CNTRL: variants seen among roughly 807,000 people sequenced by gnomAD.
The protein encoded by CNTRL is 110 kDa centrosomal protein.
A neutral mutation model predicts 303.7 loss-of-function variants in CNTRL; 233 were observed. The ratio of observed to expected loss-of-function variants is 0.77; its 90% confidence interval spans 0.69 to 0.86. The LOEUF is 0.86. Ranked by LOEUF, CNTRL falls within the 40% of genes least tolerant of loss-of-function variation. The pLI is 0.00. For synonymous variants in CNTRL, 900 were observed against 922.2 expected (o/e 0.98, Z 0.44); for missense variants, 2,524 against 2,650.6 (o/e 0.95, Z 1.05).
At chr9:121,136,123 A>C in intron 15 of CNTRL, 141 bp downstream of exon 15, 1 of 730,240 alleles carries the variant, frequency 1.4e-6, no homozygotes, top group Non-Finnish European at 2.1e-6. Flanking sequence ...AGAATTTTGG[A>C]GTCAGACATT....
At position 121,167,523 on chromosome 9, in the gene CNTRL, T is replaced by G; in HGVS notation, c.5690T>G (p.Leu1897Trp). 2 of 1,614,072 alleles carry G rather than the reference T, an allele frequency of 1.2e-6. No homozygotes were observed. ...CACACCACCAAGCATCAGGATGTGT[T>G]GCTCAGTGAGCAGACCCGACTCCAG... Reference protein sequence around the residue: ...LLHTTKHQDVLLSEQTRLQKD... With the variant: ...LLHTTKHQDVWLSEQTRLQKD... Residue 1897 changes from leucine to tryptophan, a missense_variant, in exon 37 of 44, where the codon TTG (leucine) becomes TGG (tryptophan). Leu to Trp is a moderately conservative substitution (Grantham distance 61). Coordinates refer to ENST00000373855, the MANE Select transcript of CNTRL (RefSeq NM_007018.6).
chr9:121,102,409 G>C (rs900922742), intron 7 of CNTRL, among the ~76,000 whole-genome samples: 1 of 152,090 alleles, frequency 6.6e-6, no homozygotes, highest in Non-Finnish European at 1.5e-5. Flanking sequence ...AAAATAATAA[G>C]AGCTATTTAT....
intron 13 of CNTRL, 64 bp downstream of exon 13, chr9:121,124,148 G>A: frequency 1.4e-6 from 2 of 1,390,896 alleles, no homozygotes; most frequent in Non-Finnish European, 2.0e-6. Context: ...ACATTATAAA[G>A]ACAAGCATTA....
Position 121,118,329 on chromosome 9 carries a change from G to C in CNTRL, c.1456-17G>C, listed in dbSNP as rs1455771700. 6.6e-7 allele frequency: 1 copy of C among 1,517,962 alleles called. No individual in the cohort carries two copies. Among genetic ancestry groups the C allele is most frequent in the Admixed American group, 2.1e-5 (1 of 47,998 alleles). 94.0% of individuals were successfully genotyped at this position (1,517,962 alleles called of 1,614,324 possible). ...GTTCTTCTCTGTTAATTATATATTG[G>C]GGTTTGGGGAGATTAGATTTCAGAA... On this transcript the variant is annotated splice_polypyrimidine_tract_variant and intron_variant, in intron 11 of 43. Coordinates refer to ENST00000373855, the MANE Select transcript of CNTRL (RefSeq NM_007018.6).
chr9:121,147,829 C>T (rs2051970876), intron 23 of CNTRL, among the ~76,000 whole-genome samples: 1 of 152,142 alleles, frequency 6.6e-6, no homozygotes, highest in South Asian at 2.1e-4. Flanking sequence ...GAAGCCAACT[C>T]CTTGGTACAA....
At chr9:121,102,333 T>C (rs2049219092) in intron 7 of CNTRL, among the ~76,000 whole-genome samples, 1 of 152,204 alleles carries the variant, frequency 6.6e-6, no homozygotes, top group Non-Finnish European at 1.5e-5. Flanking sequence ...GAAAAGGCCT[T>C]TGACAAACTT....
chr9:121,088,730 T>G (rs2048443437), intron 3 of CNTRL, among the ~76,000 whole-genome samples, 187 bp downstream of exon 3: 1 of 152,222 alleles, frequency 6.6e-6, no homozygotes, highest in Admixed American at 6.5e-5. Flanking sequence ...GGTAAAGATG[T>G]CAGTGGATTC....
intron 8 of CNTRL, among the ~76,000 whole-genome samples, chr9:121,109,322 T>G (rs1007038369): frequency 6.6e-5 from 10 of 152,216 alleles, no homozygotes; most frequent in African/African-American, 2.4e-4. Context: ...AATCCACAGA[T>G]GCAGAACTCA....
At chr9:121,120,614 C>T (rs1398914226) in intron 12 of CNTRL, among the ~76,000 whole-genome samples, 1 of 152,190 alleles carries the variant, frequency 6.6e-6, no homozygotes, top group African/African-American at 2.4e-5. Context: ...CTACCCAAAA[C>T]TCCTTTGCTT....
chr9:121,173,534 T>C (rs2053396460), intron 41 of CNTRL, 25 bp downstream of exon 41: 1 of 1,611,268 alleles, frequency 6.2e-7, no homozygotes, highest in African/African-American at 1.3e-5. Flanking sequence ...TGCTATTCTC[T>C]GGGTTCGTAG....
intron 25 of CNTRL, among the ~76,000 whole-genome samples, chr9:121,151,499 TC>T (rs1289064961): frequency 2.0e-4 from 29 of 145,674 alleles, no homozygotes; most frequent in Admixed American, 1.7e-3. Context: ...CAGGCAATTC[TC>T]CTGCCTCAGC....
At chr9:121,138,765 C>T in intron 16 of CNTRL, 86 bp downstream of exon 16, 1 of 1,394,526 alleles carries the variant, frequency 7.2e-7, no homozygotes, top group Non-Finnish European at 9.9e-7. Flanking sequence ...GCAACCTGCT[C>T]TAACATGTAG....
chr9:121,109,659 C>T (rs996707422), intron 8 of CNTRL, among the ~76,000 whole-genome samples: 7 of 151,820 alleles, frequency 4.6e-5, no homozygotes, highest in Non-Finnish European at 8.8e-5. Flanking sequence ...GTGGAATTAC[C>T]GTGTAATTTG....
rs934536385 is a variant in CNTRL at position 121,166,524 on chromosome 9, G to A, written c.5655+344G>A. 4.6e-5 allele frequency among the ~76,000 whole-genome samples: 7 copies of A among 152,142 alleles called. No homozygotes were observed. The East Asian group carries it at 5.8e-4, about 13-fold the overall frequency. On this transcript the variant is annotated intron_variant, in intron 36 of 43. Transcript: ENST00000373855. ...CATGACACAGATGAGGCCTCTAAAG[G>A]CTGGGCTTAGATTTGATTACTCCTT...
At chr9:121,106,212 G>A (rs528913968) in intron 7 of CNTRL, among the ~76,000 whole-genome samples, 2 of 151,850 alleles carry the variant, frequency 1.3e-5, no homozygotes, top group East Asian at 3.9e-4. Context: ...GGTTTTGGGC[G>A]CCTGTAATCT....
Position 121,117,934 on chromosome 9 carries a change from G to A in CNTRL, c.1456-412G>A, listed in dbSNP as rs942866701. Among the ~76,000 whole-genome samples the A allele has an allele frequency of 3.3e-5, 5 of 151,190 alleles. No individual in the cohort carries two copies. In the East Asian group the frequency reaches 5.8e-4, roughly 18 times the overall value. ...GCAGAGCTTGCGGTGAGCCGAGATC[G>A]CGCCACTGCACTCCACCCTGGGCGA... On this transcript the variant is annotated intron_variant, in intron 11 of 43. Coordinates refer to ENST00000373855, the MANE Select transcript of CNTRL (RefSeq NM_007018.6).
intron 19 of CNTRL, 60 bp from the exon 20 acceptor site, chr9:121,143,843 C>A: frequency 7.3e-7 from 1 of 1,374,606 alleles, no homozygotes; most frequent in Non-Finnish European, 1.0e-6. Flanking sequence ...CTGGAGCTTA[C>A]ATCTGAATTC....
intron 24 of CNTRL, among the ~76,000 whole-genome samples, chr9:121,149,561 A>G (rs907075232): frequency 6.6e-6 from 1 of 151,906 alleles, no homozygotes; most frequent in African/African-American, 2.4e-5. Flanking sequence ...GTGCACCACC[A>G]TGCCTGGCTA....
intron 1 of CNTRL, among the ~76,000 whole-genome samples, chr9:121,078,418 A>G (rs2048013565): frequency 6.6e-6 from 1 of 152,224 alleles, no homozygotes; most frequent in Non-Finnish European, 1.5e-5. Context: ...AAAAAAAGAA[A>G]AAAATAGTAT....
Sources: gnomAD v4.1 joint callset for allele counts (sites outside exome capture counted in the v4.1 genomes callset) on GRCh38, gnomAD v4.1.1 for gene constraint, MANE v1.5 for transcripts, NCBI Gene and HGNC (gene_info 2026-07-23, HGNC 2026-07-21) for gene names.